GPC5: variants seen among roughly 807,000 people sequenced by gnomAD.
GPC5 encodes glypican 5.
In GPC5, 47 loss-of-function variants were observed where a neutral mutation model predicts 53.9. The observed-to-expected ratio is 0.87, with a 90% CI of 0.69 to 1.11. GPC5 has a LOEUF of 1.11. Ranked by LOEUF, GPC5 falls within the 50% of genes most tolerant of loss-of-function variation. GPC5 has a pLI of 0.00. For synonymous variants in GPC5, 286 were observed against 263.3 expected, an observed-to-expected ratio of 1.09 and a Z score of -0.84; for missense variants, 748 against 713.1, an observed-to-expected ratio of 1.05 and a Z score of -0.56.
chr13:91,678,601 G>A (rs762186051), intron 2 of GPC5, among the ~76,000 whole-genome samples: 2 of 152,086 alleles, frequency 1.3e-5, no homozygotes, highest in Non-Finnish European at 2.9e-5. Flanking sequence ...CAAGAAGAGG[G>A]TACAAGTTAA....
chr13:91,512,282 T>C (rs1412876000), intron 2 of GPC5, among the ~76,000 whole-genome samples: 2 of 152,238 alleles, frequency 1.3e-5, no homozygotes, highest in South Asian at 2.1e-4. Flanking sequence ...GAAGTTCTTT[T>C]ACTTCCTCTG....
At chr13:92,248,031 A>C (rs1287832725) in intron 7 of GPC5, among the ~76,000 whole-genome samples, 1 of 152,108 alleles carries the variant, frequency 6.6e-6, no homozygotes, top group Non-Finnish European at 1.5e-5. Flanking sequence ...AAAATGAGTT[A>C]TCAGGACGTT....
chr13:91,801,951 G>A (rs1028667369), intron 5 of GPC5, among the ~76,000 whole-genome samples: 14 of 152,066 alleles, frequency 9.2e-5, no homozygotes, highest in Non-Finnish European at 1.6e-4. Flanking sequence ...TCTTTGTTGC[G>A]TTTTCTGCCT....
At chr13:92,118,441 C>G (rs186379935) in intron 6 of GPC5, among the ~76,000 whole-genome samples, 2 of 152,202 alleles carry the variant, frequency 1.3e-5, no homozygotes, top group Non-Finnish European at 2.9e-5. Context: ...TTCTCTCTCT[C>G]GAAGTTCTAA....
At chr13:91,985,739 C>G (rs1236523714) in intron 6 of GPC5, among the ~76,000 whole-genome samples, 1 of 152,102 alleles carries the variant, frequency 6.6e-6, no homozygotes, top group Non-Finnish European at 1.5e-5. Flanking sequence ...ATCCCTTCAG[C>G]CTTTTGTGCT....
intron 7 of GPC5, among the ~76,000 whole-genome samples, chr13:92,623,127 A>G (rs1450280088): frequency 6.6e-6 from 1 of 151,760 alleles, no homozygotes; most frequent in East Asian, 1.9e-4. Context: ...GATTGCACCA[A>G]TGCACTCCAG....
At chr13:92,710,854 A>T (rs1888111467) in intron 7 of GPC5, among the ~76,000 whole-genome samples, 1 of 152,224 alleles carries the variant, frequency 6.6e-6, no homozygotes. Context: ...ATATCCTAGG[A>T]AGAATTATTT....
chr13:92,107,134 G>T (rs759027040), intron 6 of GPC5, among the ~76,000 whole-genome samples: 24 of 151,900 alleles, frequency 1.6e-4, no homozygotes, highest in Non-Finnish European at 3.1e-4. Flanking sequence ...TTTTTCAGTT[G>T]GTGACAGTGT....
At chr13:92,465,002 G>A (rs915349181) in intron 7 of GPC5, among the ~76,000 whole-genome samples, 15 of 151,860 alleles carry the variant, frequency 9.9e-5, no homozygotes, top group African/African-American at 3.6e-4. Context: ...ACAATGACCA[G>A]TAAAGTGATT....
At chr13:92,744,410 G>T (rs1889191021) in intron 7 of GPC5, among the ~76,000 whole-genome samples, 1 of 151,662 alleles carries the variant, frequency 6.6e-6, no homozygotes, top group Non-Finnish European at 1.5e-5. Flanking sequence ...ACTGAGGAAA[G>T]AGATCAAGGC....
Position 91,733,141 on chromosome 13 carries a change from G to A in GPC5, c.1154+4476G>A, listed in dbSNP as rs151220434. Among the ~76,000 whole-genome samples, 1,083 of 151,948 alleles carry A rather than the reference G, an allele frequency of 7.1e-3. 15 individuals are homozygous for A. The highest frequency in any genetic ancestry group is 0.025 in the African/African-American group (1,045 of 41,468). ...TGGCCATTTTCACAATTTTTGTTTT[G>A]TTTTGTTTTGTTTTTGAGACAGTCT... On this transcript the variant is annotated intron_variant, in intron 4 of 7. Coordinates refer to ENST00000377067, the MANE Select transcript of GPC5 (RefSeq NM_004466.6).
At chr13:92,357,134 T>A (rs1377259276) in intron 7 of GPC5, among the ~76,000 whole-genome samples, 1 of 151,828 alleles carries the variant, frequency 6.6e-6, no homozygotes, top group Non-Finnish European at 1.5e-5. Context: ...GCATTTGGAT[T>A]GATTCCATGT....
At chr13:92,576,131 T>C (rs1883182956) in intron 7 of GPC5, among the ~76,000 whole-genome samples, 1 of 152,340 alleles carries the variant, frequency 6.6e-6, no homozygotes, top group Admixed American at 6.5e-5. Context: ...CTAATTTTAA[T>C]TTCAGTCAGA....
At chr13:92,744,600 G>A (rs896740100) in intron 7 of GPC5, among the ~76,000 whole-genome samples, 2 of 151,876 alleles carry the variant, frequency 1.3e-5, no homozygotes, top group Non-Finnish European at 1.5e-5. Flanking sequence ...AAGGAGATAG[G>A]ATAATGAGCA....
chr13:91,664,550 A>G (rs2035062666), intron 2 of GPC5, among the ~76,000 whole-genome samples: 1 of 152,194 alleles, frequency 6.6e-6, no homozygotes, highest in Non-Finnish European at 1.5e-5. Flanking sequence ...TACTTTTTCA[A>G]ATACTAAATG....
At chr13:91,518,905 T>C (rs1227676417) in intron 2 of GPC5, among the ~76,000 whole-genome samples, 1 of 152,104 alleles carries the variant, frequency 6.6e-6, no homozygotes, top group Admixed American at 6.6e-5. Flanking sequence ...AATGAGCAAA[T>C]TGTAAATCTG....
intron 6 of GPC5, among the ~76,000 whole-genome samples, chr13:92,083,739 G>T (rs2041314995): frequency 6.6e-6 from 1 of 152,088 alleles, no homozygotes; most frequent in Non-Finnish European, 1.5e-5. Flanking sequence ...CTGCTTCTAG[G>T]TCTTTTAGGA....
intron 7 of GPC5, among the ~76,000 whole-genome samples, chr13:92,745,786 A>G (rs992005802): frequency 6.6e-6 from 1 of 152,192 alleles, no homozygotes; most frequent in South Asian, 2.1e-4. Context: ...GAAACTAATA[A>G]ATTTTCAAAA....
At chr13:91,956,368 A>T (rs1026892481) in intron 6 of GPC5, among the ~76,000 whole-genome samples, 20 of 151,866 alleles carry the variant, frequency 1.3e-4, no homozygotes, top group African/African-American at 3.9e-4. Flanking sequence ...TGCAGCTCCC[A>T]TCAACACCAA....
Sources: allele counts gnomAD v4.1 joint callset (sites outside exome capture counted in the v4.1 genomes callset), GRCh38; gene constraint gnomAD v4.1.1; transcripts MANE v1.5; gene names NCBI Gene and HGNC (gene_info 2026-07-23, HGNC 2026-07-21).